Variants in CYP7B1 observed in about 807,000 individuals in gnomAD.
CYP7B1 encodes the protein cytochrome P450 7B1.
A neutral mutation model predicts 42.7 loss-of-function variants in CYP7B1; 29 were observed. The ratio of observed to expected loss-of-function variants is 0.68; its 90% CI spans 0.51 to 0.93. The LOEUF is 0.93. Ranked by LOEUF, CYP7B1 falls within the 40% of genes least tolerant of loss-of-function variation. The pLI is 0.00. For missense variants in CYP7B1, 655 were observed against 600.5 expected, an observed-to-expected ratio of 1.09 and a Z score of -0.95; for synonymous variants, 235 against 218.2, an observed-to-expected ratio of 1.08 and a Z score of -0.68.
intron 5 of CYP7B1, among the ~76,000 whole-genome samples, chr8:64,603,912 G>C (rs1209443912): frequency 6.6e-6 from 1 of 152,202 alleles, no homozygotes; most frequent in Non-Finnish European, 1.5e-5. Flanking sequence ...GAGCAGCAAA[G>C]TTTCCCTTTG....
intron 2 of CYP7B1, among the ~76,000 whole-genome samples, chr8:64,621,533 C>T (rs1296548366): frequency 6.6e-6 from 1 of 152,050 alleles, no homozygotes; most frequent in Non-Finnish European, 1.5e-5. Flanking sequence ...CCAGGTATGG[C>T]GTGTGAGGAG....
Position 64,668,725 on chromosome 8 carries a change from CA to C in CYP7B1, c.123-44187del, listed in dbSNP as rs34797764. On this transcript the variant is annotated intron_variant, in intron 1 of 5. Transcript: ENST00000310193. ...CTATTAAACTGAGAAGCATATTGACCAAAAAAAAAAAAAAAGGTTAAAAAGA... is the reference window on the plus strand; with the variant it reads ...CTATTAAACTGAGAAGCATATTGACCAAAAAAAAAAAAAAGGTTAAAAAGA... 3.8e-3 allele frequency among the ~76,000 whole-genome samples: 330 copies of C among 86,636 alleles called. 1 individual carries two copies. The highest frequency in any genetic ancestry group is 0.03 in the Middle Eastern group (4 of 134). The allele number at this position is 86,636 out of a possible 152,430, so 56.8% of individuals were successfully genotyped here.
intron 1 of CYP7B1, among the ~76,000 whole-genome samples, chr8:64,690,927 G>T (rs77266879): frequency 6.6e-6 from 1 of 152,164 alleles, no homozygotes; most frequent in South Asian, 2.1e-4. Context: ...TTTATGGCAC[G>T]AAGGGACTGC....
intron 1 of CYP7B1, among the ~76,000 whole-genome samples, chr8:64,633,353 T>C (rs1805724782): frequency 6.6e-6 from 1 of 152,152 alleles, no homozygotes. Context: ...ATAGAAAATC[T>C]CAAAGAATCA....
intron 1 of CYP7B1, 56 bp downstream of exon 1, chr8:64,798,410 G>C (rs1804742099): frequency 1.4e-6 from 2 of 1,443,044 alleles, no homozygotes; most frequent in Admixed American, 3.0e-5. Context: ...CATCTGGGTC[G>C]CGCGCGGCCC....
intron 1 of CYP7B1, among the ~76,000 whole-genome samples, chr8:64,637,479 A>G (rs752395087): frequency 2.6e-5 from 4 of 152,184 alleles, no homozygotes; most frequent in Non-Finnish European, 5.9e-5. Context: ...TTTTCCAAAG[A>G]TCAGTTCCTG....
intron 4 of CYP7B1, among the ~76,000 whole-genome samples, chr8:64,611,922 G>A (rs1314007811): frequency 6.6e-6 from 1 of 152,056 alleles, no homozygotes; most frequent in Non-Finnish European, 1.5e-5. Context: ...CATTGCAGAG[G>A]TTAAATGTCA....
At chr8:64,753,629 G>A (rs1807763812) in intron 1 of CYP7B1, among the ~76,000 whole-genome samples, 1 of 152,150 alleles carries the variant, frequency 6.6e-6, no homozygotes, top group East Asian at 1.9e-4. Context: ...GCCCTCATGA[G>A]GCCTACATTG....
chr8:64,783,524 GA>G (rs1366176781), intron 1 of CYP7B1, among the ~76,000 whole-genome samples: 1 of 148,536 alleles, frequency 6.7e-6, no homozygotes, highest in Admixed American at 6.7e-5. Context: ...CTGAAAGAGA[GA>G]AAAAATTCCA....
chr8:64,690,203 C>T (rs2129632191), intron 1 of CYP7B1, among the ~76,000 whole-genome samples: 1 of 152,268 alleles, frequency 6.6e-6, no homozygotes, highest in South Asian at 2.1e-4. Flanking sequence ...TAGAGACCAA[C>T]CCGGGCAACA....
chr8:64,691,935 GT>G (rs754869483), intron 1 of CYP7B1, among the ~76,000 whole-genome samples: 1 of 152,168 alleles, frequency 6.6e-6, no homozygotes, highest in Non-Finnish European at 1.5e-5. Context: ...CCTCAAACAT[GT>G]TTTTTCTGGA....
At chr8:64,788,477 A>C (rs1804564837) in intron 1 of CYP7B1, among the ~76,000 whole-genome samples, 1 of 152,126 alleles carries the variant, frequency 6.6e-6, no homozygotes, top group South Asian at 2.1e-4. Context: ...AGAGCTGTGC[A>C]CCTGAGGTTC....
intron 1 of CYP7B1, among the ~76,000 whole-genome samples, chr8:64,789,046 G>A (rs563022384): frequency 2.0e-5 from 3 of 152,096 alleles, no homozygotes; most frequent in South Asian, 2.1e-4. Context: ...TCAGCCTCCC[G>A]AGTAGCTGGG....
chr8:64,625,934 G>T (rs78162093), intron 1 of CYP7B1, among the ~76,000 whole-genome samples: 4,385 of 152,018 alleles, frequency 0.029, 188 homozygotes, highest in African/African-American at 0.1. Context: ...TATGGGATTT[G>T]AAGTTTTTTA....
At chr8:64,588,145 A>G (rs1174541933), downstream of CYP7B1, among the ~76,000 whole-genome samples, 3 of 152,248 alleles carry the variant, frequency 2.0e-5, no homozygotes, top group East Asian at 5.8e-4. Flanking sequence ...TGATCTGTGA[A>G]TAATTTGAAA....
rs1805067612 is a variant in CYP7B1, at chr8:64,593,355, A to C, written c.*3287T>G. The stretch of plus-strand genomic sequence containing the variant: ...ATACTCAATAGGTGAACTAGAAAGA[A>C]ACTGTGCTCCACAGAGCAAAACTGT... On this transcript the variant is annotated 3_prime_UTR_variant, in exon 6 of 6. Transcript: ENST00000310193. Among the ~76,000 whole-genome samples, 4 of 151,598 alleles carry C rather than the reference A, an allele frequency of 2.6e-5. No individual in the cohort carries two copies. In the South Asian group the frequency reaches 8.3e-4, roughly 32 times the overall value.
chr8:64,747,513 C>A (rs1585891876), intron 1 of CYP7B1, among the ~76,000 whole-genome samples: 1 of 151,248 alleles, frequency 6.6e-6, no homozygotes, highest in African/African-American at 2.4e-5. Context: ...TATATTCCTA[C>A]AATAAAGTAA....
intron 2 of CYP7B1, among the ~76,000 whole-genome samples, chr8:64,624,103 T>C (rs919355849): frequency 6.6e-6 from 1 of 151,970 alleles, no homozygotes; most frequent in African/African-American, 2.4e-5. Context: ...CTAGCTTTTG[T>C]ATAGTTATAT....
chr8:64,643,269 G>A (rs1201821682), intron 1 of CYP7B1, among the ~76,000 whole-genome samples: 1 of 151,268 alleles, frequency 6.6e-6, no homozygotes, highest in East Asian at 1.9e-4. Flanking sequence ...CCATCATAAT[G>A]TGAATGTTGC....
Sources: allele counts gnomAD v4.1 joint callset (sites outside exome capture counted in the v4.1 genomes callset), GRCh38; gene constraint gnomAD v4.1.1; transcripts MANE v1.5; gene names NCBI Gene and HGNC (gene_info 2026-07-23, HGNC 2026-07-21).